The following DCT variants were observed in gnomAD, a reference collection of about 807,000 sequenced individuals.
The protein encoded by DCT is dopachrome tautomerase.
DCT carries 47 observed loss-of-function variants against 53.0 expected under a neutral mutation model. The observed-to-expected ratio is 0.89, with a 90% CI of 0.70 to 1.13. The LOEUF is 1.13. DCT is among the 50% of genes most tolerant of loss of function. The probability of loss-of-function intolerance (pLI) is 0.00; values close to 1 mark genes in which losing one functional copy is unlikely to be tolerated. For missense variants in DCT, 669 were observed against 637.4 expected, an observed-to-expected ratio of 1.05 and a Z score of -0.53; for synonymous variants, 244 against 237.0, an observed-to-expected ratio of 1.03 and a Z score of -0.27.
chr13:94,526,537 G>A, the DCT span, among the ~76,000 whole-genome samples: 1 of 152,140 alleles, frequency 6.6e-6, no homozygotes. Context: ...GGCTGAGGTG[G>A]GAGGATTGCT....
the DCT span, among the ~76,000 whole-genome samples, chr13:94,530,431 T>A: frequency 2.0e-5 from 3 of 152,028 alleles, no homozygotes; most frequent in Non-Finnish European, 4.4e-5. Context: ...CATCAAAAAG[T>A]TTATCCACCA....
chr13:94,547,765 G>A, the DCT span, among the ~76,000 whole-genome samples: 110 of 151,538 alleles, frequency 7.3e-4, no homozygotes, highest in South Asian at 1.5e-3. Context: ...CAAGGCGGGT[G>A]GATTACTTGA....
the DCT span, among the ~76,000 whole-genome samples, chr13:94,490,538 A>G: frequency 1.4e-5 from 2 of 147,478 alleles, no homozygotes; most frequent in African/African-American, 5.0e-5. Context: ...AAAACAACTA[A>G]CCATGGTGTC....
the DCT span, among the ~76,000 whole-genome samples, chr13:94,510,313 C>T: frequency 1.3e-5 from 2 of 152,126 alleles, no homozygotes; most frequent in East Asian, 3.9e-4. Context: ...CACCCTCCTA[C>T]CACCAAGTGA....
At chr13:94,544,688 GA>G in the DCT span, among the ~76,000 whole-genome samples, 1 of 152,156 alleles carries the variant, frequency 6.6e-6, no homozygotes, top group African/African-American at 2.4e-5. Context: ...TATATTCCTG[GA>G]ATCTGTAGTA....
At chr13:94,497,536 A>AT in the DCT span, among the ~76,000 whole-genome samples, 5 of 152,220 alleles carry the variant, frequency 3.3e-5, no homozygotes, top group Non-Finnish European at 7.3e-5. Context: ...ATGAACACAT[A>AT]TTTTATATGT....
the DCT span, among the ~76,000 whole-genome samples, chr13:94,522,633 GACGTAGTCCCA>G: frequency 1.3e-5 from 2 of 152,158 alleles, no homozygotes; most frequent in Non-Finnish European, 2.9e-5. Flanking sequence ...AAAAAAGTGA[GACGTAGTCCCA>G]ACTTTCATCC....
At chr13:94,529,808 G>C in the DCT span, among the ~76,000 whole-genome samples, 25 of 152,282 alleles carry the variant, frequency 1.6e-4, no homozygotes, top group Non-Finnish European at 3.1e-4. Flanking sequence ...ACCTCAAGGA[G>C]ATAGAGACCC....
At chr13:94,486,911 C>A in the DCT span, among the ~76,000 whole-genome samples, 1 of 152,164 alleles carries the variant, frequency 6.6e-6, no homozygotes, top group African/African-American at 2.4e-5. Flanking sequence ...GACAAACACA[C>A]ACACACACAT....
At chr13:94,511,642 G>A in the DCT span, among the ~76,000 whole-genome samples, 1 of 152,056 alleles carries the variant, frequency 6.6e-6, no homozygotes, top group Non-Finnish European at 1.5e-5. Flanking sequence ...TTACAGGCGT[G>A]AGCCACCGCA....
the DCT span, among the ~76,000 whole-genome samples, chr13:94,541,492 G>A: frequency 2.9e-3 from 415 of 142,966 alleles, 3 homozygotes; most frequent in African/African-American, 0.01. Context: ...TGACAGGAGC[G>A]AAACCCTGTC....
intron 7 of DCT, among the ~76,000 whole-genome samples, chr13:94,440,676 G>GTTTTTTTTTTTT (rs761688508): frequency 2.0e-5 from 2 of 98,054 alleles, no homozygotes; most frequent in African/African-American, 4.1e-5. Flanking sequence ...TCATTTTTTG[G>GTTTTTTTTTTTT]TTTTTTTTTT....
chr13:94,537,453 T>C, the DCT span, among the ~76,000 whole-genome samples: 2 of 152,218 alleles, frequency 1.3e-5, no homozygotes, highest in African/African-American at 4.8e-5. Context: ...CCCAAGTTAG[T>C]GTCCTGGCAG....
chr13:94,544,319 T>C, the DCT span, among the ~76,000 whole-genome samples: 22 of 152,330 alleles, frequency 1.4e-4, no homozygotes, highest in African/African-American at 5.1e-4. Context: ...GACTATCATT[T>C]TTCATTATTT....
At chr13:94,533,278 T>C in the DCT span, among the ~76,000 whole-genome samples, 3 of 152,094 alleles carry the variant, frequency 2.0e-5, no homozygotes, top group Admixed American at 1.3e-4. Flanking sequence ...TAACCCATCA[T>C]TTCTCAAAGG....
the DCT span, among the ~76,000 whole-genome samples, chr13:94,504,518 C>T: frequency 1.3e-5 from 2 of 152,138 alleles, no homozygotes; most frequent in African/African-American, 2.4e-5. Flanking sequence ...CAGGTGCCTG[C>T]CACAATGCCC....
At chr13:94,511,603 A>T in the DCT span, among the ~76,000 whole-genome samples, 49 of 151,880 alleles carry the variant, frequency 3.2e-4, no homozygotes, top group Admixed American at 1.2e-3. Flanking sequence ...CAAGTGATCC[A>T]CTTGCCTTGC....
intron 6 of DCT, chr13:94,444,372 T>C (rs771376076): frequency 1.9e-6 from 1 of 516,454 alleles, no homozygotes; most frequent in Non-Finnish European, 3.9e-6. Context: ...CCAGGAATAC[T>C]CTTCTGTCTA....
chr13:94,491,748 C>G, the DCT span, among the ~76,000 whole-genome samples: 8 of 152,158 alleles, frequency 5.3e-5, no homozygotes, highest in African/African-American at 1.4e-4. Flanking sequence ...AAGAATTCTG[C>G]TTAATCTCAC....
Sources: allele counts gnomAD v4.1 joint callset (sites outside exome capture counted in the v4.1 genomes callset), GRCh38; gene constraint gnomAD v4.1.1; transcripts MANE v1.5; gene names NCBI Gene and HGNC (gene_info 2026-07-23, HGNC 2026-07-21).